Variants in OLFM3 observed in about 807,000 individuals in gnomAD.
OLFM3 encodes olfactomedin 3.
A neutral mutation model predicts 48.6 loss-of-function variants in OLFM3; 20 were observed. The observed-to-expected ratio is 0.41, with a 90% CI of 0.29 to 0.60. The LOEUF (loss-of-function observed/expected upper bound fraction) is 0.60, where lower values mean the gene tolerates loss of function less well. OLFM3 is among the 20% of genes least tolerant of loss of function. The probability of loss-of-function intolerance (pLI) is 0.28; values close to 1 mark genes in which losing one functional copy is unlikely to be tolerated. For missense variants in OLFM3, 437 were observed against 544.3 expected, an observed-to-expected ratio of 0.80 and a Z score of 1.96; for synonymous variants, 222 against 198.1, an observed-to-expected ratio of 1.12 and a Z score of -1.01.
At chr1:101,986,186 C>T (rs1661232205) in intron 1 of OLFM3, among the ~76,000 whole-genome samples, 1 of 151,966 alleles carries the variant, frequency 6.6e-6, no homozygotes, top group African/African-American at 2.4e-5. Context: ...AGGATGGTCT[C>T]GATCCCTGAC....
chr1:101,806,398 C>T (rs910510986), intron 4 of OLFM3, among the ~76,000 whole-genome samples: 6 of 151,600 alleles, frequency 4.0e-5, no homozygotes, highest in Non-Finnish European at 8.9e-5. Context: ...AAATTTTAAA[C>T]ATAAAAATTT....
chr1:101,913,116 A>G (rs1658811421), intron 1 of OLFM3, among the ~76,000 whole-genome samples: 2 of 152,196 alleles, frequency 1.3e-5, no homozygotes, highest in African/African-American at 2.4e-5. Context: ...GCAGTGCTCC[A>G]TGTTTAGCTT....
At chr1:101,922,160 T>C (rs1462908992) in intron 1 of OLFM3, among the ~76,000 whole-genome samples, 1 of 152,202 alleles carries the variant, frequency 6.6e-6, no homozygotes, top group East Asian at 1.9e-4. Flanking sequence ...CCATTTCTTG[T>C]GAGTTGTGTG....
chr1:101,980,315 G>A (rs1661073880), intron 1 of OLFM3, among the ~76,000 whole-genome samples: 2 of 152,036 alleles, frequency 1.3e-5, no homozygotes, highest in South Asian at 4.1e-4. Context: ...GGAATGATAT[G>A]GTTTGGCTCT....
chr1:101,886,760 T>G (rs769063906), intron 1 of OLFM3, among the ~76,000 whole-genome samples: 2 of 152,058 alleles, frequency 1.3e-5, no homozygotes, highest in Admixed American at 6.6e-5. Flanking sequence ...GACACTAAAT[T>G]TTGGGTTTGT....
intron 1 of OLFM3, among the ~76,000 whole-genome samples, chr1:101,969,352 A>G (rs1448554159): frequency 6.7e-6 from 1 of 150,026 alleles, no homozygotes; most frequent in Non-Finnish European, 1.5e-5. Context: ...TTTTTAGTAG[A>G]GGCAAGGTTT....
At chr1:101,968,255 T>C (rs1173310860) in intron 1 of OLFM3, among the ~76,000 whole-genome samples, 1 of 152,212 alleles carries the variant, frequency 6.6e-6, no homozygotes, top group African/African-American at 2.4e-5. Flanking sequence ...CTAGTTTGAA[T>C]GGTCCCATCA....
At chr1:101,981,469 G>A (rs903301889) in intron 1 of OLFM3, among the ~76,000 whole-genome samples, 3 of 152,040 alleles carry the variant, frequency 2.0e-5, no homozygotes, top group Admixed American at 1.3e-4. Flanking sequence ...TCTCCTCTAG[G>A]TATACTTTAT....
chr1:101,936,025 G>C (rs1659604595), intron 1 of OLFM3, among the ~76,000 whole-genome samples: 1 of 152,136 alleles, frequency 6.6e-6, no homozygotes, highest in African/African-American at 2.4e-5. Context: ...CATTCTGAAT[G>C]GGCAAAAGCT....
intron 1 of OLFM3, among the ~76,000 whole-genome samples, chr1:101,850,024 A>G (rs1486259780): frequency 1.3e-5 from 2 of 152,190 alleles, no homozygotes; most frequent in African/African-American, 4.8e-5. Context: ...AATGTGTCCT[A>G]CATGTATGAA....
intron 1 of OLFM3, among the ~76,000 whole-genome samples, chr1:101,961,940 T>G (rs924518108): frequency 1.3e-5 from 2 of 152,174 alleles, no homozygotes; most frequent in African/African-American, 2.4e-5. Flanking sequence ...CTTCTAGCTA[T>G]CTTTTCTACC....
At chr1:101,994,838 T>C (rs1395878034) in intron 1 of OLFM3, among the ~76,000 whole-genome samples, 2 of 152,028 alleles carry the variant, frequency 1.3e-5, no homozygotes, top group Non-Finnish European at 2.9e-5. Context: ...TTTGAAAAGT[T>C]AATGTATGCC....
At chr1:101,876,404 C>T (rs1425143142) in intron 1 of OLFM3, among the ~76,000 whole-genome samples, 2 of 151,974 alleles carry the variant, frequency 1.3e-5, no homozygotes, top group Admixed American at 1.3e-4. Flanking sequence ...TATTGGGCCA[C>T]TACATACCTA....
intron 1 of OLFM3, among the ~76,000 whole-genome samples, chr1:101,890,750 C>A (rs1247610359): frequency 6.6e-6 from 1 of 151,830 alleles, no homozygotes; most frequent in Non-Finnish European, 1.5e-5. Context: ...TAATGAATAT[C>A]CTGAATTCTA....
intron 3 of OLFM3, 32 bp downstream of exon 3, chr1:101,830,640 T>C: frequency 6.2e-7 from 1 of 1,612,616 alleles, no homozygotes. Flanking sequence ...ATGTCTGATT[T>C]GGATTGACAA....
intron 1 of OLFM3, among the ~76,000 whole-genome samples, chr1:101,982,529 C>T (rs969294089): frequency 1.3e-4 from 19 of 151,960 alleles, no homozygotes; most frequent in African/African-American, 3.9e-4. Context: ...ATTTGAACAA[C>T]GAATATTTTG....
rs77349341 is a variant in OLFM3 at position 101,992,181 on chromosome 1, C to G, written c.69+4567G>C. On this transcript the variant is annotated intron_variant, in intron 1 of 5. Coordinates refer to ENST00000370103, the MANE Select transcript of OLFM3 (RefSeq NM_058170.4). ...CCACTTGTGCTGCTTTCCCTCCCAA[C>G]AGAGCATCAATCATCACAATTGCCA... 6.8e-3 allele frequency among the ~76,000 whole-genome samples: 1,029 copies of G among 152,220 alleles called. 10 individuals carry two copies. The highest frequency in any genetic ancestry group is 0.023 in the African/African-American group (945 of 41,552).
chr1:101,872,714 C>T (rs1325094313), intron 1 of OLFM3, among the ~76,000 whole-genome samples: 7 of 151,886 alleles, frequency 4.6e-5, no homozygotes, highest in Non-Finnish European at 7.4e-5. Context: ...ACGAACAAGA[C>T]AACATGAAAT....
intron 1 of OLFM3, among the ~76,000 whole-genome samples, chr1:101,850,843 C>T (rs1656194693): frequency 6.6e-6 from 1 of 151,560 alleles, no homozygotes; most frequent in African/African-American, 2.4e-5. Context: ...TGGCTTCAGG[C>T]AGAGGGGAAA....
Sources: allele counts gnomAD v4.1 joint callset (sites outside exome capture counted in the v4.1 genomes callset), GRCh38; gene constraint gnomAD v4.1.1; transcripts MANE v1.5; gene names NCBI Gene and HGNC (gene_info 2026-07-23, HGNC 2026-07-21).